SEC63: variants seen among roughly 807,000 people sequenced by gnomAD.
SEC63 encodes the protein SEC63 protein translocation regulator, also known as translocation protein SEC63 homolog.
In SEC63, 56 loss-of-function variants were observed where a neutral mutation model predicts 116.2. The ratio of observed to expected loss-of-function variants is 0.48; its 90% CI spans 0.39 to 0.60. The LOEUF (loss-of-function observed/expected upper bound fraction) is 0.60, where lower values mean the gene tolerates loss of function less well. Among genes scored for constraint, SEC63 ranks in the 20% least tolerant of loss-of-function variants. The pLI is 0.00. For synonymous variants in SEC63, 273 were observed against 294.6 expected, an observed-to-expected ratio of 0.93 and a Z score of 0.75; for missense variants, 668 against 900.0, an observed-to-expected ratio of 0.74 and a Z score of 3.30.
At position 107,944,775 on chromosome 6, in the gene SEC63, A is replaced by T. The variant is rs111574985; in HGVS notation, c.124+13111T>A. Among the ~76,000 whole-genome samples, 714 of 152,274 alleles carry T rather than the reference A, an allele frequency of 4.7e-3. 4 individuals are homozygous for T. The highest frequency in any genetic ancestry group is 0.016 in the African/African-American group (679 of 41,548). Reference sequence around the variant, plus strand: ...GGAGTCTGTGCATTAGTCTAATCCTAAGCCTGTCACCCCACCTGGGTTACA... The same window carrying T: ...GGAGTCTGTGCATTAGTCTAATCCTTAGCCTGTCACCCCACCTGGGTTACA... On this transcript the variant is annotated intron_variant, in intron 1 of 20. Coordinates refer to ENST00000369002, the MANE Select transcript of SEC63 (RefSeq NM_007214.5).
chr6:107,912,514 G>A (rs1787304895), intron 6 of SEC63, among the ~76,000 whole-genome samples: 1 of 152,076 alleles, frequency 6.6e-6, no homozygotes. Flanking sequence ...GAACCCAGGA[G>A]GCAGAGGTTG....
At chr6:107,879,621 G>A (rs765321148) in intron 18 of SEC63, among the ~76,000 whole-genome samples, 3 of 152,088 alleles carry the variant, frequency 2.0e-5, no homozygotes, top group African/African-American at 7.2e-5. Flanking sequence ...CACTGCACTC[G>A]GCCCTAAATA....
intron 3 of SEC63, among the ~76,000 whole-genome samples, chr6:107,922,534 T>C (rs930837709): frequency 6.6e-6 from 1 of 152,054 alleles, no homozygotes; most frequent in Non-Finnish European, 1.5e-5. Context: ...AATAAATAAA[T>C]ATCAAAAAAT....
At chr6:107,913,241 TTATC>T (rs1422789640) in intron 5 of SEC63, 121 bp downstream of exon 5, 6 of 718,726 alleles carry the variant, frequency 8.3e-6, no homozygotes, top group African/African-American at 7.2e-5. Context: ...AGAGCTCAAT[TTATC>T]TATGTTAAAC....
At chr6:107,879,721 T>TAAAA (rs1786367644) in intron 18 of SEC63, among the ~76,000 whole-genome samples, 1 of 102,048 alleles carries the variant, frequency 9.8e-6, no homozygotes. Context: ...AAATGATTTT[T>TAAAA]ATCTTTTTTT....
chr6:107,949,221 G>A (rs1770533788), intron 1 of SEC63, among the ~76,000 whole-genome samples: 1 of 152,180 alleles, frequency 6.6e-6, no homozygotes, highest in South Asian at 2.1e-4. Context: ...AGGTGGGAAA[G>A]GAGCTATAAA....
chr6:107,918,904 C>CT lies in SEC63; in HGVS notation c.452+2892dup, dbSNP rs1164457296. ...GAGGAGTTTGGTAGAAGCTGATTTC[C>CT]TTTTTTTTTTTTTTTTTTTTTTTTG... On this transcript the variant is annotated intron_variant, in intron 4 of 20. Coordinates refer to ENST00000369002, the MANE Select transcript of SEC63 (RefSeq NM_007214.5). Among the ~76,000 whole-genome samples the CT allele has an allele frequency of 7.8e-3, 427 of 54,522 alleles. 8 individuals are homozygous for CT. Among genetic ancestry groups the CT allele is most frequent in the Admixed American group, 0.024 (94 of 3,952 alleles). The allele number at this position is 54,522 out of a possible 152,430, so 35.8% of individuals were successfully genotyped here.
At chr6:107,955,410 G>T (rs748459401) in intron 1 of SEC63, among the ~76,000 whole-genome samples, 2 of 151,920 alleles carry the variant, frequency 1.3e-5, no homozygotes, top group African/African-American at 4.8e-5. Flanking sequence ...TGATCCGCCC[G>T]CCTGGGCCTC....
intron 1 of SEC63, among the ~76,000 whole-genome samples, chr6:107,930,711 G>C (rs965878333): frequency 3.9e-5 from 6 of 151,966 alleles, no homozygotes; most frequent in African/African-American, 1.5e-4. Flanking sequence ...TTAGGTTTAT[G>C]GGGTCAGGCA....
Position 107,881,175 on chromosome 6 carries a change from G to A in SEC63, c.1909C>T (p.Pro637Ser), listed in dbSNP as rs138273253. ...LLETKSKITH[P>S]VYSLYFPEEK... ...TCAGGAAAGTAAAGGCTATACACAGGATGTGTTATTTTTGATTTGGTTTCC... is the reference window on the plus strand; with the variant it reads ...TCAGGAAAGTAAAGGCTATACACAGAATGTGTTATTTTTGATTTGGTTTCC... Residue 637 changes from proline to serine, a missense_variant, in exon 18 of 21, where the codon CCT (proline) becomes TCT (serine). Coordinates refer to ENST00000369002, the MANE Select transcript of SEC63 (RefSeq NM_007214.5). The A allele has an allele frequency of 7.0e-5, 112 of 1,611,392 alleles. 1 individual carries two copies. The South Asian group carries it at 1.0e-3, about 15-fold the overall frequency.
At chr6:107,929,126 C>T (rs1787740214) in intron 2 of SEC63, among the ~76,000 whole-genome samples, 1 of 152,168 alleles carries the variant, frequency 6.6e-6, no homozygotes, top group African/African-American at 2.4e-5. Flanking sequence ...AAAGATTCCC[C>T]CATAGTCTTT....
At chr6:107,873,294 T>C (rs1316264210) in intron 19 of SEC63, among the ~76,000 whole-genome samples, 1 of 152,198 alleles carries the variant, frequency 6.6e-6, no homozygotes, top group East Asian at 1.9e-4. Flanking sequence ...AGATACTTCC[T>C]GCCAAATTTT....
intron 2 of SEC63, among the ~76,000 whole-genome samples, chr6:107,926,799 G>A (rs755670352): frequency 1.3e-5 from 2 of 152,038 alleles, no homozygotes; most frequent in African/African-American, 2.4e-5. Context: ...ATGCTAAACC[G>A]TATGTTTTAC....
At chr6:107,939,963 G>T (rs1437632979) in intron 1 of SEC63, among the ~76,000 whole-genome samples, 1 of 152,108 alleles carries the variant, frequency 6.6e-6, no homozygotes, top group East Asian at 1.9e-4. Context: ...TTAGCCATAT[G>T]TCTCATTCCC....
chr6:107,929,353 G>T, intron 2 of SEC63, 62 bp downstream of exon 2: 2 of 845,642 alleles, frequency 2.4e-6, no homozygotes, highest in Non-Finnish European at 2.0e-6. Context: ...ACACGTATAT[G>T]TTGTATGACC....
At chr6:107,882,465 TAA>T (rs1362361443) in intron 17 of SEC63, among the ~76,000 whole-genome samples, 1 of 152,212 alleles carries the variant, frequency 6.6e-6, no homozygotes, top group East Asian at 1.9e-4. Flanking sequence ...ATAAATTCTG[TAA>T]AGACTTCCCC....
At chr6:107,924,304 C>T (rs1193381748) in intron 3 of SEC63, among the ~76,000 whole-genome samples, 3 of 148,260 alleles carry the variant, frequency 2.0e-5, no homozygotes, top group Admixed American at 6.8e-5. Flanking sequence ...ACCGGCCGGG[C>T]GCGGTGGCTC....
chr6:107,884,503 C>T (rs1345252640), intron 16 of SEC63, among the ~76,000 whole-genome samples: 1 of 151,912 alleles, frequency 6.6e-6, no homozygotes, highest in African/African-American at 2.4e-5. Flanking sequence ...CCTTGAAAAA[C>T]ATAATTTGCT....
At position 107,876,588 on chromosome 6, in the gene SEC63, C is replaced by T. The variant is rs1786276038; in HGVS notation, c.2010G>A (p.Val670=). 1.3e-6 allele frequency: 2 copies of T among 1,595,282 alleles called. No individual in the cohort carries two copies. Among genetic ancestry groups the T allele is most frequent in the South Asian group, 2.2e-5 (2 of 90,574 alleles). Residue 670 remains valine, a synonymous_variant, in exon 19 of 21, where the codon GTG becomes GTA. Transcript: ENST00000369002. ...CCTCCTCTGTATCTTTCAGCGTACA[C>T]ACATGATATGGCATGGATATTAATG... ...EQTLISMPYH[V]CTLKDTEEVE...
Sources: allele counts gnomAD v4.1 joint callset (sites outside exome capture counted in the v4.1 genomes callset), GRCh38; gene constraint gnomAD v4.1.1; transcripts MANE v1.5; gene names NCBI Gene and HGNC (gene_info 2026-07-23, HGNC 2026-07-21).